The following COL21A1 variants were observed in gnomAD, a reference collection of about 807,000 sequenced individuals.
COL21A1 encodes collagen type XXI alpha 1 chain, also known as collagen alpha-1(XXI) chain.
Under a neutral mutation model 137.9 loss-of-function variants are expected in COL21A1, and 149 were observed. The ratio of observed to expected loss-of-function variants is 1.08; its 90% CI spans 0.95 to 1.24. The LOEUF (loss-of-function observed/expected upper bound fraction) is 1.24. Among genes scored for constraint, COL21A1 ranks in the 50% most tolerant of loss-of-function variants. The pLI, the probability that COL21A1 is intolerant of heterozygous loss-of-function variation, is 0.00. For missense variants in COL21A1, 1,167 were observed against 1,158.4 expected (o/e 1.01, Z -0.11); for synonymous variants, 456 against 391.5 (o/e 1.16, Z -1.95).
intron 20 of COL21A1, among the ~76,000 whole-genome samples, chr6:56,073,595 G>T (rs1374983149): frequency 6.6e-6 from 1 of 151,338 alleles, no homozygotes; most frequent in Non-Finnish European, 1.5e-5. Flanking sequence ...TTTTCTGAGT[G>T]TTTTGTCTGA....
chr6:56,343,797 G>C (rs2152345648), intron 1 of COL21A1, among the ~76,000 whole-genome samples: 1 of 152,192 alleles, frequency 6.6e-6, no homozygotes, highest in South Asian at 2.1e-4. Context: ...TTAAAAATTA[G>C]CCAGGCGTGG....
chr6:56,097,315 T>A (rs1769419052), intron 17 of COL21A1, among the ~76,000 whole-genome samples: 1 of 152,116 alleles, frequency 6.6e-6, no homozygotes, highest in South Asian at 2.1e-4. Context: ...GAGAAAAAAT[T>A]CATCTCAATA....
intron 1 of COL21A1, among the ~76,000 whole-genome samples, chr6:56,373,521 G>C (rs2093993925): frequency 2.0e-5 from 3 of 152,270 alleles, no homozygotes; most frequent in South Asian, 4.1e-4. Context: ...AGAATCACTT[G>C]AACCCAGGAG....
chr6:56,105,069 A>G (rs555374282), intron 16 of COL21A1, among the ~76,000 whole-genome samples: 2 of 152,330 alleles, frequency 1.3e-5, no homozygotes, highest in East Asian at 1.9e-4. Context: ...GATGTATTAA[A>G]GATGTAAGAC....
intron 1 of COL21A1, among the ~76,000 whole-genome samples, chr6:56,353,429 GCCAGAAGCTT>G (rs953043764): frequency 2.0e-5 from 3 of 152,040 alleles, no homozygotes; most frequent in Admixed American, 6.6e-5. Context: ...TGGCCCAGGA[GCCAGAAGCTT>G]CCAGAAGCTT....
chr6:56,374,357 T>C (rs1174547353), intron 1 of COL21A1, among the ~76,000 whole-genome samples: 29 of 152,208 alleles, frequency 1.9e-4, no homozygotes. Context: ...ATTGAAGACA[T>C]CTTGTTTGCT....
At chr6:56,180,917 T>C (rs939615062) in intron 2 of COL21A1, among the ~76,000 whole-genome samples, 5 of 152,216 alleles carry the variant, frequency 3.3e-5, no homozygotes, top group African/African-American at 1.2e-4. Context: ...TCTGTGTCAG[T>C]CTCCCAACTC....
intron 9 of COL21A1, among the ~76,000 whole-genome samples, chr6:56,161,880 T>C (rs2152265296): frequency 6.6e-6 from 1 of 152,308 alleles, no homozygotes; most frequent in East Asian, 1.9e-4. Context: ...ACTTCCCCAT[T>C]TATCAACACA....
chr6:56,276,167 T>C (rs553787892), intron 1 of COL21A1, among the ~76,000 whole-genome samples: 18 of 152,116 alleles, frequency 1.2e-4, no homozygotes, highest in Non-Finnish European at 1.9e-4. Context: ...GAGCCAAACA[T>C]TGTGTACACA....
At chr6:56,097,345 C>A (rs1769422849) in intron 17 of COL21A1, among the ~76,000 whole-genome samples, 1 of 152,092 alleles carries the variant, frequency 6.6e-6, no homozygotes, top group Non-Finnish European at 1.5e-5. Context: ...ACCCCATTCA[C>A]ATTATTCTTT....
At chr6:56,101,616 AT>A in intron 16 of COL21A1, 91 bp from the exon 17 acceptor site, 1 of 883,738 alleles carries the variant, frequency 1.1e-6, no homozygotes, top group South Asian at 1.6e-5. Context: ...ATTAAAGAAC[AT>A]TAAATACAAA....
At position 56,179,576 on chromosome 6, in the gene COL21A1, A is replaced by G; in HGVS notation, c.640+2T>C. On this transcript the variant is annotated splice_donor_variant, in intron 3 of 29. Transcript: ENST00000244728. LOFTEE classifies it high-confidence loss of function. The stretch of plus-strand genomic sequence containing the variant: ...ATTATATTAAGGCATTTTAAGGCTT[A>G]CCTTCACAAAGTTTCTGCTTCATCA... 1 of 1,602,218 alleles carries G rather than the reference A, an allele frequency of 6.2e-7. No homozygotes were observed. The highest frequency in any genetic ancestry group is 8.5e-7 in the Non-Finnish European group (1 of 1,172,580).
intron 17 of COL21A1, among the ~76,000 whole-genome samples, chr6:56,098,707 A>AT (rs1453497894): frequency 9.6e-6 from 1 of 104,544 alleles, no homozygotes; most frequent in African/African-American, 3.9e-5. Flanking sequence ...ATATATATAT[A>AT]AATATATATA....
At position 56,182,533 on chromosome 6, in the gene COL21A1, G is replaced by A. The variant is rs373575633; in HGVS notation, c.86C>T (p.Ser29Leu). 31 of 1,588,610 alleles carry A rather than the reference G, an allele frequency of 2.0e-5. No individual in the cohort carries two copies. In the African/African-American group the frequency reaches 3.8e-4, roughly 19 times the overall value. The change falls in exon 2 of 30, where the codon TCA becomes TTA. Residue 29 changes from serine (S) to leucine (L), a missense_variant and splice_region_variant. By Grantham distance (145) the Ser-to-Leu change is moderately radical (BLOSUM62 -2). Coordinates refer to ENST00000244728, the MANE Select transcript of COL21A1 (RefSeq NM_030820.4). ...SVLAEDGEVRSSCRTAPTDLV... is the reference protein window; with the variant it reads ...SVLAEDGEVRLSCRTAPTDLV... ...AGGACAATGCTGATAGTTCTTACTT[G>A]ATCTTACTTCCCCATCTTCAGCTAA...
intron 1 of COL21A1, among the ~76,000 whole-genome samples, chr6:56,326,279 G>T (rs1038909391): frequency 2.7e-5 from 4 of 150,694 alleles, no homozygotes; most frequent in Non-Finnish European, 5.9e-5. Context: ...AATCAATGGA[G>T]GTTATTTTGA....
chr6:56,073,994 G>A (rs1304115286), intron 20 of COL21A1, among the ~76,000 whole-genome samples: 2 of 151,402 alleles, frequency 1.3e-5, no homozygotes, highest in Admixed American at 1.3e-4. Context: ...CAAAAAGGGA[G>A]AAGGGGGCTG....
At chr6:56,119,707 G>T (rs939214575) in intron 16 of COL21A1, among the ~76,000 whole-genome samples, 1 of 152,072 alleles carries the variant, frequency 6.6e-6, no homozygotes. Context: ...CATACAAACA[G>T]ATACAAAGAC....
intron 16 of COL21A1, among the ~76,000 whole-genome samples, chr6:56,121,623 A>C (rs1227737218): frequency 6.7e-6 from 1 of 150,050 alleles, no homozygotes; most frequent in African/African-American, 2.4e-5. Context: ...GTACAATACC[A>C]AGAATTAACT....
intron 1 of COL21A1, among the ~76,000 whole-genome samples, chr6:56,234,575 G>C (rs1034315980): frequency 1.3e-5 from 2 of 151,512 alleles, no homozygotes; most frequent in Non-Finnish European, 2.9e-5. Context: ...AAAAGGCAAC[G>C]TTTTCCCTAA....
Sources: gnomAD v4.1 joint callset for allele counts (sites outside exome capture counted in the v4.1 genomes callset) on GRCh38, gnomAD v4.1.1 for gene constraint, MANE v1.5 for transcripts, NCBI Gene and HGNC (gene_info 2026-07-23, HGNC 2026-07-21) for gene names.